The following IPO11 variants were observed in gnomAD, a reference collection of about 807,000 sequenced individuals.
The protein encoded by IPO11 is importin 11.
IPO11 carries 66 observed loss-of-function variants against 143.2 expected under a neutral mutation model. The observed-to-expected ratio is 0.46, with a 90% CI of 0.38 to 0.57. The LOEUF (loss-of-function observed/expected upper bound fraction) is 0.57. Among genes scored for constraint, IPO11 ranks in the 20% least tolerant of loss-of-function variants. The probability of loss-of-function intolerance (pLI) is 0.00; values close to 1 mark genes in which losing one functional copy is unlikely to be tolerated. For missense variants in IPO11, 1,026 were observed against 1,141.0 expected (o/e 0.90, Z 1.45); for synonymous variants, 385 against 377.8 (o/e 1.02, Z -0.22).
chr5:62,587,274 CA>C (rs529266021), intron 27 of IPO11, among the ~76,000 whole-genome samples: 3 of 151,200 alleles, frequency 2.0e-5, no homozygotes, highest in East Asian at 1.9e-4. Flanking sequence ...TTATTGAATG[CA>C]AAAAAAATTC....
chr5:62,494,357 A>G (rs1453232485), intron 16 of IPO11, among the ~76,000 whole-genome samples: 2 of 152,168 alleles, frequency 1.3e-5, no homozygotes, highest in African/African-American at 4.8e-5. Context: ...AAAGTAATTT[A>G]TAATTTCTTA....
At chr5:62,586,860 A>G (rs1165832449) in intron 27 of IPO11, among the ~76,000 whole-genome samples, 1 of 144,098 alleles carries the variant, frequency 6.9e-6, no homozygotes, top group Non-Finnish European at 1.5e-5. Flanking sequence ...GATATCTACA[A>G]TGGTGCTAGC....
intron 27 of IPO11, chr5:62,580,123 A>G: frequency 6.4e-7 from 1 of 1,551,174 alleles, no homozygotes; most frequent in Non-Finnish European, 8.7e-7. Flanking sequence ...AGTACTTAAA[A>G]GTCTTAGAAG....
At chr5:62,506,006 GTTA>G (rs1741543577) in intron 18 of IPO11, among the ~76,000 whole-genome samples, 1 of 152,186 alleles carries the variant, frequency 6.6e-6, no homozygotes, top group East Asian at 1.9e-4. Flanking sequence ...TTGTAGATGA[GTTA>G]AATTCTGAAA....
intron 26 of IPO11, among the ~76,000 whole-genome samples, chr5:62,556,671 A>T (rs1281148785): frequency 6.6e-6 from 1 of 152,036 alleles, no homozygotes; most frequent in East Asian, 1.9e-4. Context: ...TTCTGTCTCT[A>T]AAAAAAAGTT....
chr5:62,552,124 A>G (rs1262120107), intron 26 of IPO11, among the ~76,000 whole-genome samples: 1 of 152,064 alleles, frequency 6.6e-6, no homozygotes, highest in Non-Finnish European at 1.5e-5. Context: ...ACTCTGTCTC[A>G]AAAAAGAAAA....
At chr5:62,581,894 A>G (rs756552105) in intron 27 of IPO11, among the ~76,000 whole-genome samples, 1 of 152,190 alleles carries the variant, frequency 6.6e-6, no homozygotes, top group East Asian at 1.9e-4. Context: ...GAAGAAAGTG[A>G]CATCAAAACT....
At chr5:62,568,907 CA>C (rs1321714252) in intron 27 of IPO11, among the ~76,000 whole-genome samples, 2 of 152,156 alleles carry the variant, frequency 1.3e-5, no homozygotes, top group East Asian at 3.9e-4. Flanking sequence ...TTCAGGAATT[CA>C]AAAGGGACTG....
At chr5:62,504,312 C>T (rs1741471658) in intron 16 of IPO11, among the ~76,000 whole-genome samples, 1 of 152,184 alleles carries the variant, frequency 6.6e-6, no homozygotes, top group South Asian at 2.1e-4. Context: ...ACTTACACAT[C>T]CTCCAATTTG....
chr5:62,455,054 G>A (rs1745080196), intron 5 of IPO11, among the ~76,000 whole-genome samples: 1 of 152,186 alleles, frequency 6.6e-6, no homozygotes, highest in Non-Finnish European at 1.5e-5. Context: ...TGCGGTTGAG[G>A]TACAAGATGT....
At chr5:62,432,245 G>A (rs541106730) in intron 1 of IPO11, among the ~76,000 whole-genome samples, 2 of 152,284 alleles carry the variant, frequency 1.3e-5, no homozygotes, top group South Asian at 2.1e-4. Flanking sequence ...TGTTGTGGAC[G>A]TGATAGAGGC....
intron 22 of IPO11, 57 bp from the exon 23 acceptor site, chr5:62,536,645 C>G: frequency 1.3e-6 from 2 of 1,539,618 alleles, no homozygotes; most frequent in Non-Finnish European, 1.7e-6. Flanking sequence ...TTCATTTAAA[C>G]TAATTTTGAG....
intron 12 of IPO11, among the ~76,000 whole-genome samples, chr5:62,486,960 A>C (rs1025619929): frequency 6.6e-6 from 1 of 152,122 alleles, no homozygotes. Context: ...CAATACCTTA[A>C]AAATTTAATT....
intron 28 of IPO11, among the ~76,000 whole-genome samples, chr5:62,594,976 G>A (rs563640297): frequency 3.0e-4 from 45 of 152,318 alleles, no homozygotes; most frequent in South Asian, 2.3e-3. Context: ...TTTCCACACC[G>A]GAGGGACATG....
chr5:62,472,103 A>G (rs750162411), intron 7 of IPO11, among the ~76,000 whole-genome samples: 33 of 152,208 alleles, frequency 2.2e-4, no homozygotes, highest in Non-Finnish European at 3.2e-4. Context: ...TATAAATTCC[A>G]TGAAGGGAGG....
intron 23 of IPO11, 22 bp from the exon 24 acceptor site, chr5:62,537,187 T>C (rs1269519081): frequency 7.0e-7 from 1 of 1,431,392 alleles, no homozygotes; most frequent in South Asian, 1.2e-5. Context: ...CTTACATATA[T>C]TGACTTTTAA....
intron 16 of IPO11, among the ~76,000 whole-genome samples, chr5:62,502,797 C>CCTTTCCTTTCCTTTCCT (rs1741392013): frequency 6.6e-6 from 1 of 151,694 alleles, no homozygotes; most frequent in Admixed American, 6.6e-5. Context: ...CTTTTCTTTT[C>CCTTTCCTTTCCTTTCCT]TTTTCCTTTC....
At chr5:62,502,798 T>TTTCC (rs1561337926) in intron 16 of IPO11, among the ~76,000 whole-genome samples, 5 of 150,970 alleles carry the variant, frequency 3.3e-5, no homozygotes, top group Admixed American at 6.6e-5. Context: ...TTTTCTTTTC[T>TTTCC]TTTCCTTTCC....
chr5:62,591,509 G>T, intron 27 of IPO11, 68 bp from the exon 28 acceptor site: 2 of 886,264 alleles, frequency 2.3e-6, no homozygotes, highest in South Asian at 1.7e-5. Context: ...AAGATGTTTA[G>T]GAAAAAAAAA....
Sources: allele counts gnomAD v4.1 joint callset (sites outside exome capture counted in the v4.1 genomes callset), GRCh38; gene constraint gnomAD v4.1.1; transcripts MANE v1.5; gene names NCBI Gene and HGNC (gene_info 2026-07-23, HGNC 2026-07-21).